Variants in PTPRA observed in about 807,000 individuals in gnomAD.
PTPRA encodes the protein receptor-type tyrosine-protein phosphatase alpha.
In PTPRA, 25 loss-of-function variants were observed where a neutral mutation model predicts 104.8. That is an observed-to-expected ratio of 0.24 (90% CI 0.17 to 0.33). The LOEUF (loss-of-function observed/expected upper bound fraction) is 0.33. Ranked by LOEUF, PTPRA falls within the 10% of genes least tolerant of loss-of-function variation. The pLI, the probability that PTPRA is intolerant of heterozygous loss-of-function variation, is 1.00. For synonymous variants in PTPRA, 323 were observed against 368.9 expected, an observed-to-expected ratio of 0.88 and a Z score of 1.43; for missense variants, 765 against 1,015.3, an observed-to-expected ratio of 0.75 and a Z score of 3.35.
the PTPRA span, chr20:2,865,210 C>T: frequency 6.2e-7 from 1 of 1,614,178 alleles, no homozygotes; most frequent in Non-Finnish European, 8.5e-7. This position sits in a 1 kb window ranked among gnomAD's most constrained non-coding sequence, Gnocchi z 5.2. Context: ...AGCTGGGGGG[C>T]CAGTTCCTAG....
chr20:2,970,720 G>A (rs1017197634), intron 5 of PTPRA, among the ~76,000 whole-genome samples: 1 of 151,958 alleles, frequency 6.6e-6, no homozygotes, highest in Non-Finnish European at 1.5e-5. Flanking sequence ...CTCAGTTTAG[G>A]TTTTCTAGGA....
At chr20:2,929,308 G>T (rs750458691) in intron 2 of PTPRA, among the ~76,000 whole-genome samples, 2 of 152,068 alleles carry the variant, frequency 1.3e-5, no homozygotes, top group East Asian at 1.9e-4. Context: ...TTCTTTTCCT[G>T]TATGAACGTT....
rs572245472 is a variant in PTPRA, at chr20:3,033,854, C to T, written c.1921-1731C>T. Among the ~76,000 whole-genome samples the T allele has an allele frequency of 2.1e-4, 31 of 147,158 alleles. No individual in the cohort carries two copies. In the South Asian group the frequency reaches 4.1e-3, roughly 19 times the overall value. On this transcript the variant is annotated intron_variant, in intron 20 of 23. Transcript: ENST00000399903. ...GCCGGAGGTTGCAGTGAGCCAAGAT[C>T]GCGCCATTGCACTCCAGCGTGGGCA...
intron 2 of PTPRA, among the ~76,000 whole-genome samples, chr20:2,935,632 C>G (rs1375971209): frequency 6.6e-6 from 1 of 152,074 alleles, no homozygotes; most frequent in Non-Finnish European, 1.5e-5. Flanking sequence ...TAGCACAGTT[C>G]TGCAATCATA....
chr20:2,953,427 G>A (rs1013059381), intron 3 of PTPRA, among the ~76,000 whole-genome samples: 1 of 151,432 alleles, frequency 6.6e-6, no homozygotes, highest in Non-Finnish European at 1.5e-5. Context: ...CTAATTTTTT[G>A]TATTTTTAGT....
chr20:2,982,379 T>C (rs1185135809), intron 6 of PTPRA, among the ~76,000 whole-genome samples: 1 of 152,096 alleles, frequency 6.6e-6, no homozygotes, highest in Non-Finnish European at 1.5e-5. Flanking sequence ...TACTTTCTTA[T>C]AATACCTGAT....
chr20:2,914,171 T>G (rs1393058123), intron 1 of PTPRA, among the ~76,000 whole-genome samples: 1 of 152,216 alleles, frequency 6.6e-6, no homozygotes, highest in Non-Finnish European at 1.5e-5. Flanking sequence ...GTCCTATCAT[T>G]CTTTGATCAC....
chr20:2,925,499 G>A (rs2060260433), intron 2 of PTPRA, among the ~76,000 whole-genome samples: 1 of 152,126 alleles, frequency 6.6e-6, no homozygotes. Context: ...CCTTTTGGCT[G>A]TTGTGACTAA....
At chr20:2,968,443 T>TC (rs1398922540) in intron 5 of PTPRA, among the ~76,000 whole-genome samples, 3 of 152,078 alleles carry the variant, frequency 2.0e-5, no homozygotes, top group African/African-American at 7.2e-5. Flanking sequence ...AGAGCCTTGA[T>TC]CTTGCATTTC....
chr20:2,922,363 G>A (rs1335309410), intron 1 of PTPRA, among the ~76,000 whole-genome samples: 5 of 152,022 alleles, frequency 3.3e-5, no homozygotes, highest in Admixed American at 3.3e-4. Context: ...TGATTGAGAT[G>A]GAGTCTCACT....
intron 1 of PTPRA, among the ~76,000 whole-genome samples, chr20:2,920,861 G>A (rs2060073208): frequency 6.6e-6 from 1 of 152,032 alleles, no homozygotes; most frequent in Admixed American, 6.6e-5. Context: ...TTAAAGCCTT[G>A]AGGCTATTTA....
At chr20:2,960,900 T>C (rs1239540787) in intron 3 of PTPRA, among the ~76,000 whole-genome samples, 1 of 152,116 alleles carries the variant, frequency 6.6e-6, no homozygotes, top group African/African-American at 2.4e-5. Context: ...TTTTTCACAT[T>C]GGCTTCTGTC....
intron 1 of PTPRA, among the ~76,000 whole-genome samples, chr20:2,902,214 A>AAAT (rs1231925294): frequency 6.6e-6 from 1 of 152,030 alleles, no homozygotes; most frequent in African/African-American, 2.4e-5. Flanking sequence ...ATTGAAACCA[A>AAAT]AATATTTTAT....
intron 1 of PTPRA, among the ~76,000 whole-genome samples, chr20:2,903,888 G>T (rs770348206): frequency 6.6e-6 from 1 of 151,864 alleles, no homozygotes; most frequent in Non-Finnish European, 1.5e-5. Flanking sequence ...CCCTTTTAAG[G>T]ATTTGCTTGG....
chr20:2,886,481 T>C (rs1254485250), intron 1 of PTPRA, among the ~76,000 whole-genome samples: 1 of 152,062 alleles, frequency 6.6e-6, no homozygotes, highest in Non-Finnish European at 1.5e-5. Flanking sequence ...AGAATTCCCA[T>C]AGTAAAAAAT....
At chr20:2,910,219 T>C (rs2059628190) in intron 1 of PTPRA, among the ~76,000 whole-genome samples, 1 of 93,228 alleles carries the variant, frequency 1.1e-5, no homozygotes, top group Admixed American at 1.3e-4. Context: ...TTGTATATGA[T>C]ATATAATATG....
chr20:3,013,612 T>C (rs915266522), intron 11 of PTPRA, among the ~76,000 whole-genome samples: 8 of 152,144 alleles, frequency 5.3e-5, no homozygotes, highest in African/African-American at 1.9e-4. Flanking sequence ...GGTTTCTCCA[T>C]GTTGGTCATG....
intron 1 of PTPRA, among the ~76,000 whole-genome samples, chr20:2,897,787 C>G (rs1464386273): frequency 6.6e-6 from 1 of 151,980 alleles, no homozygotes; most frequent in East Asian, 1.9e-4. Flanking sequence ...AGCACAGCCT[C>G]ATTGATTCTT....
At chr20:2,985,666 G>T (rs1316521347) in intron 6 of PTPRA, among the ~76,000 whole-genome samples, 1 of 152,204 alleles carries the variant, frequency 6.6e-6, no homozygotes, top group African/African-American at 2.4e-5. Flanking sequence ...TGCCATGGTT[G>T]GGGTCCTGGC....
Sources: allele counts gnomAD v4.1 joint callset (sites outside exome capture counted in the v4.1 genomes callset), GRCh38; gene constraint gnomAD v4.1.1; non-coding constraint Gnocchi (gnomAD v3.1); transcripts MANE v1.5; gene names NCBI Gene and HGNC (gene_info 2026-07-23, HGNC 2026-07-21).